The following RHO variants were observed in gnomAD, a reference collection of about 807,000 sequenced individuals.
RHO encodes the protein rhodopsin.
A neutral mutation model predicts 31.2 loss-of-function variants in RHO; 21 were observed. The observed-to-expected ratio is 0.67, with a 90% CI of 0.48 to 0.97. The LOEUF (loss-of-function observed/expected upper bound fraction) is 0.97. Among genes scored for constraint, RHO ranks in the 50% least tolerant of loss-of-function variants. The pLI is 0.00. For synonymous variants in RHO, 211 were observed against 196.6 expected (o/e 1.07, Z -0.61); for missense variants, 414 against 479.5 (o/e 0.86, Z 1.28).
chr3:129,532,873 T>G lies in RHO; in HGVS notation c.936+101T>G. ...GGCAGGGGAGGGGGCTCCATCAGGG[T>G]TACTGGCAGCAGTCTTGGGTCAGCA... On this transcript the variant is annotated intron_variant, in intron 4 of 4. Coordinates refer to ENST00000296271, the MANE Select transcript of RHO (RefSeq NM_000539.3). The surrounding 1 kb of genome is among the most constrained non-coding windows in gnomAD (Gnocchi z 5.5). 6 of 1,505,686 alleles carry G rather than the reference T, an allele frequency of 4.0e-6. No homozygotes were observed. The highest frequency in any genetic ancestry group is 5.5e-6 in the Non-Finnish European group (6 of 1,095,476). 93.3% of individuals were successfully genotyped at this position (1,505,686 alleles called of 1,614,324 possible).
intron 1 of RHO, among the ~76,000 whole-genome samples, chr3:129,530,351 C>G (rs1443986428): frequency 6.6e-6 from 1 of 152,084 alleles, no homozygotes; most frequent in Non-Finnish European, 1.5e-5. Context: ...TTGCACATTG[C>G]TTCATGGCTC....
intron 1 of RHO, among the ~76,000 whole-genome samples, chr3:129,529,449 T>A (rs781460558): frequency 2.6e-5 from 4 of 152,192 alleles, no homozygotes; most frequent in Non-Finnish European, 4.4e-5. Flanking sequence ...TCTCGGGCCA[T>A]GTTTGCAGCA....
intron 1 of RHO, 97 bp from the exon 2 acceptor site, chr3:129,530,779 C>T (rs2084774034): frequency 2.0e-6 from 3 of 1,476,246 alleles, no homozygotes; most frequent in Non-Finnish European, 2.8e-6. Context: ...TCTCCCACTC[C>T]TGGTTGCCTT....
At chr3:129,531,774 C>T (rs1158435325) in intron 2 of RHO, among the ~76,000 whole-genome samples, 1 of 152,256 alleles carries the variant, frequency 6.6e-6, no homozygotes, top group Non-Finnish European at 1.5e-5. Flanking sequence ...TTGCCACGTC[C>T]TAATGACGTG....
In RHO at chr3:129,532,842, T is replaced by C; in HGVS notation, c.936+70T>C. The C allele has an allele frequency of 6.2e-7, 1 of 1,601,334 alleles. No individual in the cohort carries two copies. ...CGCTGCCTGCCAAGGACAAGCTACT[T>C]CCCAGGGCAGGGGAGGGGGCTCCAT... is the stretch of plus-strand genomic sequence containing the variant. On this transcript the variant is annotated intron_variant, in intron 4 of 4. Transcript: ENST00000296271. The surrounding 1 kb of genome is among the most constrained non-coding windows in gnomAD (Gnocchi z 5.5).
chr3:129,531,290 C>T (rs1028332793), intron 2 of RHO, among the ~76,000 whole-genome samples: 7 of 152,356 alleles, frequency 4.6e-5, no homozygotes, highest in African/African-American at 1.7e-4. Flanking sequence ...TTCACCTTGG[C>T]TGTGCCCCTA....
At chr3:129,529,322 A>G (rs1200531083) in intron 1 of RHO, among the ~76,000 whole-genome samples, 1 of 152,276 alleles carries the variant, frequency 6.6e-6, no homozygotes, top group East Asian at 1.9e-4. Flanking sequence ...ATTTGGAGCA[A>G]TATGCGCTTG....
Position 129,533,942 on chromosome 3 carries a change from C to T in RHO, c.*224C>T, listed in dbSNP as rs886057970. Reference sequence around the variant, plus strand: ...CAAGACCTACTGATCTGGAGTCCCACGTTCCCCAAGGCCAGCGGGATGTGT... The same window carrying T: ...CAAGACCTACTGATCTGGAGTCCCATGTTCCCCAAGGCCAGCGGGATGTGT... On this transcript the variant is annotated 3_prime_UTR_variant, in exon 5 of 5. Coordinates refer to ENST00000296271, the MANE Select transcript of RHO (RefSeq NM_000539.3). 3 of 516,794 alleles carry T rather than the reference C, an allele frequency of 5.8e-6. No individual in the cohort carries two copies. The highest frequency in any genetic ancestry group is 3.2e-5 in the East Asian group (1 of 31,126). The allele number at this position is 516,794 out of a possible 1,614,324, so 32.0% of individuals were successfully genotyped here.
Position 129,532,498 on chromosome 3 carries a change from A to G in RHO, c.697-35A>G. ...ATCTGCGGCTCCTGCTCCCTGGAGG[A>G]GCCATGGTCTGGACCCGGGTCCCGT... On this transcript the variant is annotated intron_variant, in intron 3 of 4. Transcript: ENST00000296271. The surrounding 1 kb of genome is among the most constrained non-coding windows in gnomAD (Gnocchi z 5.5). 1.2e-6 allele frequency: 2 copies of G among 1,613,712 alleles called. No individual in the cohort carries two copies. The highest frequency in any genetic ancestry group is 1.7e-6 in the Non-Finnish European group (2 of 1,179,986).
intron 2 of RHO, among the ~76,000 whole-genome samples, chr3:129,531,246 C>T (rs1216921404): frequency 6.6e-6 from 1 of 152,198 alleles, no homozygotes; most frequent in Non-Finnish European, 1.5e-5. Flanking sequence ...TCTCCTGAGC[C>T]CCATGTCAAA....
In RHO at chr3:129,529,049, G is replaced by A. The variant is rs104893773; in HGVS notation, c.316G>A (p.Gly106Arg). 6 of 1,613,194 alleles carry A rather than the reference G, an allele frequency of 3.7e-6. No individual in the cohort carries two copies. Among genetic ancestry groups the A allele is most frequent in the South Asian group, 1.1e-5 (1 of 91,064 alleles). ...CTCTCTGCATGGATACTTCGTCTTC[G>A]GGCCCACAGGATGCAATTTGGAGGG... ...YTSLHGYFVF[G>R]PTGCNLEGFF... The change falls in exon 1 of 5, where the codon GGG becomes AGG. Residue 106 changes from glycine (G) to arginine (R), a missense_variant. By Grantham distance (125) the Gly-to-Arg change is moderately radical (BLOSUM62 -2). Transcript: ENST00000296271.
intron 2 of RHO, among the ~76,000 whole-genome samples, chr3:129,531,578 C>T (rs2084780276): frequency 6.6e-6 from 1 of 152,186 alleles, no homozygotes; most frequent in African/African-American, 2.4e-5. Context: ...AAAATTCCCA[C>T]TCTCACTTCC....
Position 129,532,399 on chromosome 3 carries a change from G to A in RHO, c.679G>A (p.Val227Ile), listed in dbSNP as rs781465927. Reference sequence around the variant, plus strand: ...CATCTTTTTCTGCTATGGGCAGCTCGTCTTCACCGTCAAGGAGGTACGGGC... The same window carrying A: ...CATCTTTTTCTGCTATGGGCAGCTCATCTTCACCGTCAAGGAGGTACGGGC... ...IIIFFCYGQL[V>I]FTVKEAAAQQ... is the part of the protein sequence containing the mutation. The change falls in exon 3 of 5, where the codon GTC becomes ATC. Residue 227 changes from valine to isoleucine, a missense_variant. Val to Ile is a conservative substitution (Grantham distance 29). Coordinates refer to ENST00000296271, the MANE Select transcript of RHO (RefSeq NM_000539.3). The surrounding 1 kb of genome is among the most constrained non-coding windows in gnomAD (Gnocchi z 5.5). 17 of 1,613,814 alleles carry A rather than the reference G, an allele frequency of 1.1e-5. No individual in the cohort carries two copies. Among genetic ancestry groups the A allele is most frequent in the Non-Finnish European group, 1.1e-5 (13 of 1,180,016 alleles).
In RHO at chr3:129,532,858, G is replaced by A. The variant is rs2108750550; in HGVS notation, c.936+86G>A. 6.3e-7 allele frequency: 1 copy of A among 1,575,724 alleles called. No homozygotes were observed. Among genetic ancestry groups the A allele is most frequent in the Non-Finnish European group, 8.7e-7 (1 of 1,155,478 alleles). On this transcript the variant is annotated intron_variant, in intron 4 of 4. Transcript: ENST00000296271. This position sits in a 1 kb window ranked among gnomAD's most constrained non-coding sequence, Gnocchi z 5.5. The stretch of plus-strand genomic sequence containing the variant: ...CAAGCTACTTCCCAGGGCAGGGGAG[G>A]GGGCTCCATCAGGGTTACTGGCAGC...
In RHO at chr3:129,528,907, G is replaced by A. The variant is rs112640710; in HGVS notation, c.174G>A (p.Thr58=). The A allele has an allele frequency of 2.6e-5, 42 of 1,614,192 alleles. No homozygotes were observed. The highest frequency in any genetic ancestry group is 2.4e-4 in the African/African-American group (18 of 75,054). Residue 58 remains threonine (T), a synonymous_variant, in exon 1 of 5, where the codon ACG becomes ACA. Transcript: ENST00000296271. ...TGGGCTTCCCCATCAACTTCCTCAC[G>A]CTCTACGTCACCGTCCAGCACAAGA... ...IVLGFPINFL[T]LYVTVQHKKL... is the part of the protein sequence containing the mutation.
At chr3:129,530,087 C>A (rs575196456) in intron 1 of RHO, among the ~76,000 whole-genome samples, 3 of 152,160 alleles carry the variant, frequency 2.0e-5, no homozygotes. Flanking sequence ...GAATCTCTGG[C>A]CATTGTTGGG....
Position 129,528,805 on chromosome 3 carries a change from C to G in RHO, c.72C>G (p.Phe24Leu), listed in dbSNP as rs768877243. 2 of 1,614,226 alleles carry G rather than the reference C, an allele frequency of 1.2e-6. No individual in the cohort carries two copies. The highest frequency in any genetic ancestry group is 1.7e-6 in the Non-Finnish European group (2 of 1,180,046). Residue 24 changes from phenylalanine to leucine, a missense_variant, in exon 1 of 5, where the codon TTC (phenylalanine) becomes TTG (leucine). By Grantham distance (22) the Phe-to-Leu change is conservative (BLOSUM62 0). Coordinates refer to ENST00000296271, the MANE Select transcript of RHO (RefSeq NM_000539.3). ...SNATGVVRSPFEYPQYYLAEP... is the reference protein window; with the variant it reads ...SNATGVVRSPLEYPQYYLAEP... Reference sequence around the variant, plus strand: ...CGACGGGTGTGGTACGCAGCCCCTTCGAGTACCCACAGTACTACCTGGCTG... The same window carrying G: ...CGACGGGTGTGGTACGCAGCCCCTTGGAGTACCCACAGTACTACCTGGCTG...
At chr3:129,533,529 G>A (rs2084799564) in intron 4 of RHO, 79 bp from the exon 5 acceptor site, 20 of 1,059,286 alleles carry the variant, frequency 1.9e-5, no homozygotes, top group Admixed American at 5.1e-5. Context: ...GCAAAGGGTC[G>A]GGGCGAACCT....
Position 129,532,320 on chromosome 3 carries a change from C to T in RHO, c.600C>T (p.Asn200=), listed in dbSNP as rs147005807. ...DYYTLKPEVN[N]ESFVIYMFVV... The stretch of plus-strand genomic sequence containing the variant: ...ACACGCTCAAGCCGGAGGTCAACAA[C>T]GAGTCTTTTGTCATCTACATGTTCG... The change falls in exon 3 of 5, where the codon AAC becomes AAT. Residue 200 remains asparagine, a synonymous_variant. Coordinates refer to ENST00000296271, the MANE Select transcript of RHO (RefSeq NM_000539.3). This position sits in a 1 kb window ranked among gnomAD's most constrained non-coding sequence, Gnocchi z 5.5. The T allele has an allele frequency of 4.2e-5, 68 of 1,613,898 alleles. No individual in the cohort carries two copies. Among genetic ancestry groups the T allele is most frequent in the Middle Eastern group, 1.6e-4 (1 of 6,084 alleles).
Sources: allele counts gnomAD v4.1 joint callset (sites outside exome capture counted in the v4.1 genomes callset), GRCh38; gene constraint gnomAD v4.1.1; non-coding constraint Gnocchi (gnomAD v3.1); transcripts MANE v1.5; gene names NCBI Gene and HGNC (gene_info 2026-07-23, HGNC 2026-07-21).